The following CADM2 variants were observed in gnomAD, a reference collection of about 807,000 sequenced individuals.
The protein encoded by CADM2 is immunoglobulin superfamily member 4D.
In CADM2, 12 loss-of-function variants were observed where a neutral mutation model predicts 49.8. The observed-to-expected ratio is 0.24, with a 90% confidence interval of 0.15 to 0.39. The LOEUF is 0.39. CADM2 is among the 10% of genes least tolerant of loss of function. CADM2 has a pLI of 1.00. For missense variants in CADM2, 378 were observed against 492.3 expected, an observed-to-expected ratio of 0.77 and a Z score of 2.20; for synonymous variants, 214 against 175.4, an observed-to-expected ratio of 1.22 and a Z score of -1.74.
At chr3:85,001,930 A>T (rs771098645) in intron 1 of CADM2, among the ~76,000 whole-genome samples, 2 of 152,134 alleles carry the variant, frequency 1.3e-5, no homozygotes, top group Non-Finnish European at 2.9e-5. Context: ...GTTGCAGAGA[A>T]ACTTAATTGA....
chr3:85,882,225 C>A (rs1480092174), intron 3 of CADM2, among the ~76,000 whole-genome samples: 2 of 137,060 alleles, frequency 1.5e-5, no homozygotes, highest in Non-Finnish European at 3.1e-5. Flanking sequence ...CTGCTCAGAA[C>A]CTCTAGATGG....
chr3:85,905,916 T>C (rs1280392817), intron 5 of CADM2, among the ~76,000 whole-genome samples: 1 of 152,144 alleles, frequency 6.6e-6, no homozygotes, highest in Non-Finnish European at 1.5e-5. Flanking sequence ...TGCAAGTGAT[T>C]CATTTATTCA....
intron 1 of CADM2, among the ~76,000 whole-genome samples, chr3:85,124,311 T>A (rs1194123820): frequency 6.6e-6 from 1 of 152,142 alleles, no homozygotes; most frequent in Non-Finnish European, 1.5e-5. Context: ...AAATTGAAAA[T>A]ATTCTAAGTG....
intron 2 of CADM2, among the ~76,000 whole-genome samples, chr3:85,762,888 A>G (rs2069462022): frequency 6.6e-6 from 1 of 151,720 alleles, no homozygotes; most frequent in Admixed American, 6.6e-5. Context: ...TTAGATTTGG[A>G]CAAATTTAGT....
chr3:85,803,500 AATAG>A (rs3044105), intron 3 of CADM2, among the ~76,000 whole-genome samples: 5,179 of 149,524 alleles, frequency 0.035, 118 homozygotes, highest in African/African-American at 0.045. Context: ...TAGATAGATA[AATAG>A]ATAGATAGAT....
At chr3:85,783,266 A>G (rs2070766895) in intron 2 of CADM2, among the ~76,000 whole-genome samples, 1 of 152,206 alleles carries the variant, frequency 6.6e-6, no homozygotes, top group Non-Finnish European at 1.5e-5. Flanking sequence ...ATTTGGTTAA[A>G]TGAAGTAGCA....
intron 3 of CADM2, among the ~76,000 whole-genome samples, chr3:85,862,347 C>T (rs1221090294): frequency 3.3e-5 from 5 of 152,062 alleles, no homozygotes; most frequent in Non-Finnish European, 5.9e-5. Context: ...ATCTCTCTAA[C>T]TAGATGATTC....
rs1559602381 is a variant in CADM2 at position 84,984,373 on chromosome 3, A to AAAAAAAAAAC, written c.61+24714_61+24715insCAAAAAAAAA. Among the ~76,000 whole-genome samples, 18 of 148,424 alleles carry AAAAAAAAAAC rather than the reference A, an allele frequency of 1.2e-4. 1 individual carries two copies. Among genetic ancestry groups the AAAAAAAAAAC allele is most frequent in the African/African-American group, 2.0e-4 (8 of 39,368 alleles). The stretch of plus-strand genomic sequence containing the variant: ...GATTAAGCTAAAAAAAAAAAAAAAA[A>AAAAAAAAAAC]AAAAAAAAAAAACACTTGAGGCTGT... On this transcript the variant is annotated intron_variant, in intron 1 of 9. Coordinates refer to ENST00000383699, the MANE Select transcript of CADM2 (RefSeq NM_001167675.2).
chr3:85,301,794 A>C (rs1248222997), intron 1 of CADM2, among the ~76,000 whole-genome samples: 3 of 152,082 alleles, frequency 2.0e-5, no homozygotes, highest in Non-Finnish European at 4.4e-5. Context: ...TATTTATCTC[A>C]TCATGTGAGT....
chr3:85,089,693 A>G (rs899263456), intron 1 of CADM2, among the ~76,000 whole-genome samples: 1 of 152,030 alleles, frequency 6.6e-6, no homozygotes, highest in Admixed American at 6.6e-5. Flanking sequence ...GAGTACGTCT[A>G]TTTACTTTTA....
At chr3:85,654,931 G>A (rs1261046243) in intron 1 of CADM2, among the ~76,000 whole-genome samples, 3 of 152,196 alleles carry the variant, frequency 2.0e-5, no homozygotes, top group African/African-American at 4.8e-5. Flanking sequence ...TGTAGAGTTG[G>A]AAAAAACTTA....
chr3:84,985,215 C>T (rs982758707), intron 1 of CADM2, among the ~76,000 whole-genome samples: 1 of 151,868 alleles, frequency 6.6e-6, no homozygotes, highest in Admixed American at 6.6e-5. Flanking sequence ...AATATATTGC[C>T]AATAATATTC....
intron 1 of CADM2, among the ~76,000 whole-genome samples, chr3:85,070,839 A>C (rs970535903): frequency 1.3e-5 from 2 of 151,954 alleles, no homozygotes; most frequent in Non-Finnish European, 2.9e-5. Flanking sequence ...AATATAAAAA[A>C]ATAGCTGGGC....
chr3:85,002,599 T>C (rs187420664), intron 1 of CADM2, among the ~76,000 whole-genome samples: 4 of 152,250 alleles, frequency 2.6e-5, no homozygotes, highest in East Asian at 3.9e-4. Flanking sequence ...TTTTTGTCTT[T>C]CCTTTTTATT....
At chr3:85,321,132 T>A (rs1277574962) in intron 1 of CADM2, among the ~76,000 whole-genome samples, 9 of 13,944 alleles carry the variant, frequency 6.5e-4, no homozygotes, top group African/African-American at 2.1e-3. Context: ...TTTTTTTTTT[T>A]TTTTTTTTTT....
chr3:85,999,255 T>C (rs1344693291), intron 8 of CADM2, among the ~76,000 whole-genome samples: 1 of 144,736 alleles, frequency 6.9e-6, no homozygotes, highest in Non-Finnish European at 1.5e-5. Context: ...TCCCATCACT[T>C]TGGGAGGCCG....
At chr3:85,505,497 G>A (rs769670074) in intron 1 of CADM2, among the ~76,000 whole-genome samples, 11 of 152,130 alleles carry the variant, frequency 7.2e-5, no homozygotes, top group Non-Finnish European at 1.3e-4. Context: ...ACCTGTGGAG[G>A]TTCTGAAACA....
chr3:85,161,090 TA>T (rs2040308070), intron 1 of CADM2, among the ~76,000 whole-genome samples: 1 of 152,224 alleles, frequency 6.6e-6, no homozygotes, highest in Non-Finnish European at 1.5e-5. Flanking sequence ...CATTCTATTA[TA>T]TAAATTGTGC....
chr3:85,655,996 A>G (rs1325997170), intron 1 of CADM2, among the ~76,000 whole-genome samples: 1 of 150,602 alleles, frequency 6.6e-6, no homozygotes, highest in Non-Finnish European at 1.5e-5. Context: ...TCTCTTCATC[A>G]CTATCCTAAT....
Sources: allele counts gnomAD v4.1 joint callset (sites outside exome capture counted in the v4.1 genomes callset), GRCh38; gene constraint gnomAD v4.1.1; transcripts MANE v1.5; gene names NCBI Gene and HGNC (gene_info 2026-07-23, HGNC 2026-07-21).